TRIM33: variants seen among roughly 807,000 people sequenced by gnomAD.
The protein encoded by TRIM33 is E3 ubiquitin-protein ligase TRIM33.
A neutral mutation model predicts 125.4 loss-of-function variants in TRIM33; 20 were observed. The ratio of observed to expected loss-of-function variants is 0.16; its 90% CI spans 0.11 to 0.23. TRIM33 has a LOEUF of 0.23. TRIM33 is among the 10% of genes least tolerant of loss of function. The pLI, the probability that TRIM33 is intolerant of heterozygous loss-of-function variation, is 1.00. For synonymous variants in TRIM33, 564 were observed against 513.9 expected (o/e 1.10, Z -1.32); for missense variants, 920 against 1,411.4 (o/e 0.65, Z 5.58).
At position 114,394,318 on chromosome 1, in the gene TRIM33, T is replaced by G. The variant is rs1309186741; in HGVS notation, c.*3330A>C. On this transcript the variant is annotated 3_prime_UTR_variant, in exon 20 of 20. Coordinates refer to ENST00000358465, the MANE Select transcript of TRIM33 (RefSeq NM_015906.4). The stretch of plus-strand genomic sequence containing the variant: ...AGCCAAGGGAGACGGGGCCACAGCA[T>G]CTACTCCCATTTTGGATAGTAAGAG... 1 of 227,050 alleles carries G rather than the reference T, an allele frequency of 4.4e-6. No homozygotes were observed. Among genetic ancestry groups the G allele is most frequent in the Admixed American group, 5.7e-5 (1 of 17,542 alleles). 14.1% of individuals were successfully genotyped at this position (227,050 alleles called of 1,614,324 possible).
chr1:114,510,469 G>A (rs1453385409), intron 1 of TRIM33, 82 bp downstream of exon 1: 1 of 1,322,358 alleles, frequency 7.6e-7, no homozygotes, highest in Middle Eastern at 2.1e-4. Context: ...GCAGCCCCAG[G>A]CCCCAGCACC....
chr1:114,427,680 G>A lies in TRIM33; in HGVS notation c.1302+68C>T, dbSNP rs1453495182. The A allele has an allele frequency of 6.1e-6, 9 of 1,466,374 alleles. No homozygotes were observed. The East Asian group carries it at 1.4e-4, about 23-fold the overall frequency. 90.8% of individuals were successfully genotyped at this position (1,466,374 alleles called of 1,614,324 possible). A position where few individuals can be genotyped will look rare whatever the true frequency, so the allele number is the denominator to read the frequency against. On this transcript the variant is annotated intron_variant, in intron 7 of 19. Transcript: ENST00000358465. ...AAATTAAAATGTATACTTTAAACAG[G>A]TGCAATTCACTGAATATATATCTTA...
Position 114,399,437 on chromosome 1 carries a change from T to TAG in TRIM33, c.3120+18_3120+19dup, listed in dbSNP as rs1260202976. ...CAAAAACTAACAAATCAAGACTCTATAGGTTGGAAGTTAACATACTTCATT... is the reference window on the plus strand; with the variant it reads ...CAAAAACTAACAAATCAAGACTCTATAGAGGTTGGAAGTTAACATACTTCATT... On this transcript the variant is annotated intron_variant, in intron 18 of 19. Transcript: ENST00000358465. The TAG allele has an allele frequency of 1.9e-6, 3 of 1,606,674 alleles. No individual in the cohort carries two copies. In the African/African-American group the frequency reaches 4.0e-5, roughly 22 times the overall value.
At chr1:114,481,671 GTGTGTATATATATATA>G (rs1651363774) in intron 1 of TRIM33, among the ~76,000 whole-genome samples, 1 of 121,112 alleles carries the variant, frequency 8.3e-6, no homozygotes, top group Non-Finnish European at 1.8e-5. Flanking sequence ...GTATATATAT[GTGTGTATATATATATA>G]TATGTGTGTA....
chr1:114,497,736 G>A (rs1312038660), intron 1 of TRIM33, among the ~76,000 whole-genome samples: 1 of 152,080 alleles, frequency 6.6e-6, no homozygotes, highest in Non-Finnish European at 1.5e-5. Context: ...GCCAATCCCT[G>A]ATCTAAAGCA....
chr1:114,451,644 GA>G (rs1205807715), intron 4 of TRIM33, among the ~76,000 whole-genome samples: 2 of 151,862 alleles, frequency 1.3e-5, no homozygotes, highest in East Asian at 1.9e-4. Flanking sequence ...TAAATAAAGA[GA>G]AAAAAATAAA....
chr1:114,424,614 T>C lies in TRIM33; in HGVS notation c.1837A>G (p.Met613Val). ...PRHSGPQYSM[M>V]QPHLQRQHSN... is the part of the protein sequence containing the mutation. Reference sequence around the variant, plus strand: ...ACTTGTCTTTGGAGGTGTGGCTGCATCATGGAATATTGAGGGCCGCTGTGC... The same window carrying C: ...ACTTGTCTTTGGAGGTGTGGCTGCACCATGGAATATTGAGGGCCGCTGTGC... Residue 613 changes from methionine (M) to valine (V), a missense_variant, in exon 10 of 20, where the codon ATG becomes GTG. Physicochemically the swap from Met to Val is conservative, Grantham distance 21. Transcript: ENST00000358465. The C allele has an allele frequency of 1.2e-6, 2 of 1,600,620 alleles. No individual in the cohort carries two copies. The highest frequency in any genetic ancestry group is 1.7e-6 in the Non-Finnish European group (2 of 1,174,988).
At chr1:114,471,227 T>G (rs1183072107) in intron 1 of TRIM33, among the ~76,000 whole-genome samples, 1 of 152,196 alleles carries the variant, frequency 6.6e-6, no homozygotes, top group East Asian at 1.9e-4. Flanking sequence ...GGTGGGCGGA[T>G]GGCGAAGTCA....
intron 1 of TRIM33, among the ~76,000 whole-genome samples, chr1:114,483,525 C>T (rs1651482306): frequency 6.6e-6 from 1 of 151,788 alleles, no homozygotes; most frequent in African/African-American, 2.4e-5. Context: ...GATTCTCCTG[C>T]CTCAGCCTCC....
At chr1:114,487,318 C>CT (rs1353726493) in intron 1 of TRIM33, among the ~76,000 whole-genome samples, 1 of 142,762 alleles carries the variant, frequency 7.0e-6, no homozygotes, top group Non-Finnish European at 1.5e-5. Flanking sequence ...CAGTGGATCT[C>CT]TCATGTAAAA....
intron 16 of TRIM33, 36 bp downstream of exon 16, chr1:114,402,724 G>A (rs533119368): frequency 6.2e-7 from 1 of 1,601,750 alleles, no homozygotes; most frequent in African/African-American, 1.3e-5. Flanking sequence ...GACAACTACT[G>A]AATCCCAGTG....
rs1034841376 is a variant in TRIM33 at position 114,476,964 on chromosome 1, T to C, written c.527-12576A>G. 3.3e-5 allele frequency among the ~76,000 whole-genome samples: 5 copies of C among 152,180 alleles called. No individual in the cohort carries two copies. In the South Asian group the frequency reaches 1.0e-3, roughly 31 times the overall value. ...AGAGTGAAAATCCGAATTCATTTTA[T>C]AGAGCCCGACATTGTTTTACTATTA... On this transcript the variant is annotated intron_variant, in intron 1 of 19. Coordinates refer to ENST00000358465, the MANE Select transcript of TRIM33 (RefSeq NM_015906.4).
At chr1:114,474,970 G>T (rs537861469) in intron 1 of TRIM33, among the ~76,000 whole-genome samples, 2 of 150,438 alleles carry the variant, frequency 1.3e-5, no homozygotes, top group African/African-American at 4.9e-5. Context: ...AATCATTAGA[G>T]ACAAGAGCAA....
intron 4 of TRIM33, among the ~76,000 whole-genome samples, chr1:114,452,411 G>A (rs1269213019): frequency 6.6e-6 from 1 of 151,960 alleles, no homozygotes; most frequent in African/African-American, 2.4e-5. Context: ...AGTGAGCCCA[G>A]ATCACGCCAC....
chr1:114,489,268 C>T (rs905306439), intron 1 of TRIM33, among the ~76,000 whole-genome samples: 1 of 152,158 alleles, frequency 6.6e-6, no homozygotes, highest in Non-Finnish European at 1.5e-5. Context: ...ACCTCACAAA[C>T]AAATTTCACA....
rs546641505 is a variant in TRIM33 at position 114,491,340 on chromosome 1, T to C, written c.526+19211A>G. ...GGTCGATTCTCATCATTTATAGTAG[T>C]TATATTCTATACAGTTGCTGCAAAC... On this transcript the variant is annotated intron_variant, in intron 1 of 19. Coordinates refer to ENST00000358465, the MANE Select transcript of TRIM33 (RefSeq NM_015906.4). Among the ~76,000 whole-genome samples the C allele has an allele frequency of 2.0e-5, 3 of 152,340 alleles. No individual in the cohort carries two copies. The East Asian group carries it at 5.8e-4, about 29-fold the overall frequency.
At chr1:114,398,790 T>G (rs1651690499) in intron 18 of TRIM33, among the ~76,000 whole-genome samples, 2 of 151,238 alleles carry the variant, frequency 1.3e-5, no homozygotes, top group South Asian at 4.2e-4. Flanking sequence ...ACAATGAAAC[T>G]CTTCCATAAC....
chr1:114,505,566 T>A (rs1396104700), intron 1 of TRIM33, among the ~76,000 whole-genome samples: 1 of 152,134 alleles, frequency 6.6e-6, no homozygotes, highest in Non-Finnish European at 1.5e-5. Context: ...AGTTTTTTTG[T>A]TTCGTTTTGT....
intron 1 of TRIM33, among the ~76,000 whole-genome samples, chr1:114,505,674 T>A (rs1652958848): frequency 6.6e-6 from 1 of 152,178 alleles, no homozygotes; most frequent in African/African-American, 2.4e-5. Context: ...CTCAAGTGAT[T>A]CTCCTACCTC....
Sources: allele counts gnomAD v4.1 joint callset (sites outside exome capture counted in the v4.1 genomes callset), GRCh38; gene constraint gnomAD v4.1.1; transcripts MANE v1.5; gene names NCBI Gene and HGNC (gene_info 2026-07-23, HGNC 2026-07-21).